Variants in PRKCH observed in about 807,000 individuals in gnomAD.
PRKCH encodes the protein protein kinase C eta.
PRKCH carries 28 observed loss-of-function variants against 82.5 expected under a neutral mutation model. That is an observed-to-expected ratio of 0.34 (90% confidence interval 0.25 to 0.47). PRKCH has a LOEUF of 0.47. PRKCH is among the 20% of genes least tolerant of loss of function. PRKCH has a pLI of 1.00. For synonymous variants in PRKCH, 322 were observed against 327.4 expected (o/e 0.98, Z 0.18); for missense variants, 705 against 881.8 (o/e 0.80, Z 2.54).
intron 1 of PRKCH, among the ~76,000 whole-genome samples, chr14:61,194,843 C>T (rs1328829909): frequency 6.6e-6 from 1 of 152,166 alleles, no homozygotes; most frequent in Non-Finnish European, 1.5e-5. Flanking sequence ...AAGTGATTCT[C>T]CTGCCTCACC....
In PRKCH at chr14:61,361,427, A is replaced by G. The variant is rs568978613; in HGVS notation, c.364-29798A>G. ...GAGCAGCTTTCTAACCAACATTACA[A>G]GTTTATTTTGCTAGTGAAACCTTTT... On this transcript the variant is annotated intron_variant, in intron 1 of 13. Coordinates refer to ENST00000332981, the MANE Select transcript of PRKCH (RefSeq NM_006255.5). Among the ~76,000 whole-genome samples the G allele has an allele frequency of 3.3e-5, 5 of 152,304 alleles. No individual in the cohort carries two copies. The East Asian group carries it at 7.7e-4, about 24-fold the overall frequency.
chr14:61,362,158 G>A (rs900764158), intron 1 of PRKCH, among the ~76,000 whole-genome samples: 3 of 152,028 alleles, frequency 2.0e-5, no homozygotes, highest in African/African-American at 7.2e-5. Flanking sequence ...TCATCATAGC[G>A]ATATTTCATC....
intron 1 of PRKCH, among the ~76,000 whole-genome samples, chr14:61,205,431 G>A (rs1456973071): frequency 6.6e-6 from 1 of 152,206 alleles, no homozygotes; most frequent in Non-Finnish European, 1.5e-5. Flanking sequence ...GGGATGCTGA[G>A]CAACCAGGGA....
intron 12 of PRKCH, among the ~76,000 whole-genome samples, chr14:61,547,093 T>C (rs1012026022): frequency 1.3e-5 from 2 of 152,210 alleles, no homozygotes; most frequent in Non-Finnish European, 2.9e-5. Flanking sequence ...TCTCAGTCAT[T>C]GAACCTACTT....
At chr14:61,324,630 T>A (rs918245879) in intron 1 of PRKCH, among the ~76,000 whole-genome samples, 7 of 152,056 alleles carry the variant, frequency 4.6e-5, no homozygotes, top group Non-Finnish European at 7.4e-5. Flanking sequence ...AAAAATGCTT[T>A]AAAAAAATAG....
chr14:61,549,408 G>C (rs1407597763), intron 13 of PRKCH, among the ~76,000 whole-genome samples: 3 of 152,190 alleles, frequency 2.0e-5, no homozygotes, highest in Non-Finnish European at 2.9e-5. Flanking sequence ...GCTGCTTTTG[G>C]ATGACCAAAT....
At chr14:61,408,832 ACGTCAC>A (rs888220744) in intron 2 of PRKCH, among the ~76,000 whole-genome samples, 19 of 152,162 alleles carry the variant, frequency 1.2e-4, no homozygotes, top group African/African-American at 4.6e-4. Flanking sequence ...CAGCTATTGA[ACGTCAC>A]CGGATAGACG....
At chr14:61,469,604 C>G (rs1885408498) in intron 9 of PRKCH, among the ~76,000 whole-genome samples, 2 of 152,194 alleles carry the variant, frequency 1.3e-5, no homozygotes, top group African/African-American at 2.4e-5. Flanking sequence ...ATCATACAGT[C>G]TAAAAACCTG....
intron 1 of PRKCH, among the ~76,000 whole-genome samples, chr14:61,246,411 G>GAA (rs56223735): frequency 0.77 from 113,485 of 146,778 alleles, 44,613 homozygotes; most frequent in Non-Finnish European, 0.84. Flanking sequence ...CTGTCTCAAA[G>GAA]AAAAAAAAAA....
intron 1 of PRKCH, among the ~76,000 whole-genome samples, chr14:61,291,725 G>C (rs2045364498): frequency 6.6e-6 from 1 of 152,152 alleles, no homozygotes; most frequent in Non-Finnish European, 1.5e-5. Flanking sequence ...TGTAATTGGA[G>C]TAAACACTGT....
At chr14:61,547,030 G>A (rs1165017090) in intron 12 of PRKCH, among the ~76,000 whole-genome samples, 3 of 152,164 alleles carry the variant, frequency 2.0e-5, no homozygotes, top group East Asian at 1.9e-4. Context: ...TGCACACATC[G>A]CTTAGCTGTG....
At chr14:61,524,363 C>A (rs530408427) in intron 10 of PRKCH, among the ~76,000 whole-genome samples, 5 of 152,296 alleles carry the variant, frequency 3.3e-5, no homozygotes, top group Admixed American at 1.3e-4. Context: ...CTCTTTCTAC[C>A]CTTCTATGCT....
At chr14:61,508,379 T>C (rs918993148) in intron 10 of PRKCH, among the ~76,000 whole-genome samples, 1 of 152,114 alleles carries the variant, frequency 6.6e-6, no homozygotes, top group Non-Finnish European at 1.5e-5. Context: ...AGATTAGAGT[T>C]GTGTTCCCCT....
At chr14:61,502,530 C>T (rs1886964339) in intron 10 of PRKCH, among the ~76,000 whole-genome samples, 3 of 152,244 alleles carry the variant, frequency 2.0e-5, no homozygotes, top group South Asian at 4.1e-4. Context: ...CACTACTGCT[C>T]CAGGTAGAGC....
intron 1 of PRKCH, chr14:61,278,295 C>T (rs1273529378): frequency 6.6e-6 from 1 of 152,062 alleles, no homozygotes; most frequent in Non-Finnish European, 1.5e-5. Context: ...AATCACCATA[C>T]AAAATCTAAT....
chr14:61,542,237 C>A (rs2043196758), intron 12 of PRKCH, among the ~76,000 whole-genome samples: 1 of 151,834 alleles, frequency 6.6e-6, no homozygotes, highest in Non-Finnish European at 1.5e-5. Context: ...TTGCAGTGAG[C>A]CAAAATTGTG....
chr14:61,509,355 G>A (rs1887280277), intron 10 of PRKCH, among the ~76,000 whole-genome samples: 1 of 152,040 alleles, frequency 6.6e-6, no homozygotes. Context: ...TCATCCATGG[G>A]GTTTGTTTGA....
In PRKCH at chr14:61,343,481, A is replaced by G. The variant is rs117376182; in HGVS notation, c.363+21017A>G. ...GGACTCTAAGGAAATGAGGGTCTTC[A>G]ACTTCATTGGTGATATTTCCAGTTG... is the stretch of plus-strand genomic sequence containing the variant. On this transcript the variant is annotated intron_variant, in intron 1 of 13. Transcript: ENST00000332981. 7.6e-3 allele frequency among the ~76,000 whole-genome samples: 1,161 copies of G among 152,198 alleles called. 7 individuals carry two copies. Among genetic ancestry groups the G allele is most frequent in the Non-Finnish European group, 0.011 (757 of 68,030 alleles).
At chr14:61,315,753 A>ATTTTT (rs3028702) in intron 1 of PRKCH, among the ~76,000 whole-genome samples, 28 of 143,266 alleles carry the variant, frequency 2.0e-4, no homozygotes, top group Middle Eastern at 3.5e-3. Flanking sequence ...TATTTACTGG[A>ATTTTT]TTTTTTTTTT....
Sources: allele counts gnomAD v4.1 joint callset (sites outside exome capture counted in the v4.1 genomes callset), GRCh38; gene constraint gnomAD v4.1.1; transcripts MANE v1.5; gene names NCBI Gene and HGNC (gene_info 2026-07-23, HGNC 2026-07-21).